Variants in KDM4C observed in about 807,000 individuals in gnomAD.
KDM4C encodes the protein lysine-specific demethylase 4C.
KDM4C carries 81 observed loss-of-function variants against 129.3 expected under a neutral mutation model. The ratio of observed to expected loss-of-function variants is 0.63; its 90% CI spans 0.52 to 0.75. KDM4C has a LOEUF of 0.75. KDM4C is among the 30% of genes least tolerant of loss of function. KDM4C has a pLI of 0.00. For synonymous variants in KDM4C, 573 were observed against 456.1 expected (o/e 1.26, Z -3.26); for missense variants, 1,457 against 1,304.0 (o/e 1.12, Z -1.81).
At chr9:7,145,382 G>A (rs1037907752) in intron 19 of KDM4C, among the ~76,000 whole-genome samples, 2 of 152,182 alleles carry the variant, frequency 1.3e-5, no homozygotes, top group Admixed American at 6.5e-5. Flanking sequence ...TGGAAGTTCT[G>A]AGTCGCTGTG....
chr9:6,749,096 T>A, intron 1 of KDM4C: 1 of 447,092 alleles, frequency 2.2e-6, no homozygotes, highest in Non-Finnish European at 4.3e-6. Context: ...CTCGCCTTCC[T>A]GCAACCTCTG....
At chr9:7,027,657 G>A (rs1461243587) in intron 15 of KDM4C, among the ~76,000 whole-genome samples, 1 of 152,190 alleles carries the variant, frequency 6.6e-6, no homozygotes, top group Non-Finnish European at 1.5e-5. Flanking sequence ...AGCTAGCTAG[G>A]CTTGTGTCCT....
intron 19 of KDM4C, among the ~76,000 whole-genome samples, chr9:7,143,234 TG>T (rs1339742702): frequency 6.6e-6 from 1 of 152,212 alleles, no homozygotes; most frequent in Non-Finnish European, 1.5e-5. Flanking sequence ...TATCAGTGGG[TG>T]TCTGTTTCAA....
chr9:7,101,179 T>C (rs1326343911), intron 17 of KDM4C, among the ~76,000 whole-genome samples: 2 of 152,216 alleles, frequency 1.3e-5, no homozygotes, highest in Non-Finnish European at 2.9e-5. Flanking sequence ...TGCCTATTCA[T>C]GTTATTCTAG....
At chr9:6,853,706 A>G (rs1839265439) in intron 5 of KDM4C, among the ~76,000 whole-genome samples, 2 of 152,208 alleles carry the variant, frequency 1.3e-5, no homozygotes, top group Admixed American at 1.3e-4. Flanking sequence ...TTTAGGGGGA[A>G]AAGTATCCTT....
chr9:6,779,065 G>T (rs1263574553), intron 1 of KDM4C, among the ~76,000 whole-genome samples: 5 of 131,188 alleles, frequency 3.8e-5, no homozygotes, highest in Non-Finnish European at 7.9e-5. Context: ...GTCTCGCTCT[G>T]TCGCCCAGGC....
At chr9:7,051,806 A>G (rs568365033) in intron 17 of KDM4C, among the ~76,000 whole-genome samples, 1 of 152,172 alleles carries the variant, frequency 6.6e-6, no homozygotes, top group Non-Finnish European at 1.5e-5. Context: ...TCACCAAACA[A>G]TTATCACTTG....
At chr9:7,044,895 G>C (rs142562531) in intron 15 of KDM4C, among the ~76,000 whole-genome samples, 2 of 152,098 alleles carry the variant, frequency 1.3e-5, no homozygotes, top group African/African-American at 4.8e-5. Context: ...AGCTAGAGGT[G>C]CAGGAGGACA....
At chr9:7,160,538 T>G (rs1320283859) in intron 19 of KDM4C, among the ~76,000 whole-genome samples, 1 of 152,224 alleles carries the variant, frequency 6.6e-6, no homozygotes, top group Non-Finnish European at 1.5e-5. Flanking sequence ...TTTGTCGATG[T>G]TGATGCTATT....
chr9:6,783,928 G>T (rs1176094173), intron 1 of KDM4C, among the ~76,000 whole-genome samples: 1 of 152,190 alleles, frequency 6.6e-6, no homozygotes, highest in Non-Finnish European at 1.5e-5. Context: ...AGAGGCTGGG[G>T]AGAGAAGGCT....
chr9:6,855,493 A>C (rs1172214720), intron 5 of KDM4C, among the ~76,000 whole-genome samples: 1 of 147,754 alleles, frequency 6.8e-6, no homozygotes. Flanking sequence ...AAAGGAACCC[A>C]ATTTAAGTAT....
intron 1 of KDM4C, among the ~76,000 whole-genome samples, chr9:6,777,697 T>C (rs1463588696): frequency 1.3e-5 from 2 of 152,080 alleles, no homozygotes; most frequent in Non-Finnish European, 2.9e-5. Context: ...AGTGGCGCGA[T>C]CTTGGTTCAC....
intron 15 of KDM4C, among the ~76,000 whole-genome samples, chr9:7,041,062 ATT>A (rs1473015848): frequency 2.7e-5 from 4 of 149,362 alleles, no homozygotes; most frequent in Non-Finnish European, 4.5e-5. Context: ...GGTTTTTAAA[ATT>A]CTCTTTTTGT....
At chr9:6,828,368 C>T (rs1261691080) in intron 4 of KDM4C, among the ~76,000 whole-genome samples, 3 of 151,976 alleles carry the variant, frequency 2.0e-5, no homozygotes, top group Non-Finnish European at 4.4e-5. Flanking sequence ...AGGCTGGTCT[C>T]AATCTCCTGA....
intron 5 of KDM4C, among the ~76,000 whole-genome samples, chr9:6,873,012 C>T (rs1328517987): frequency 4.6e-5 from 7 of 152,064 alleles, no homozygotes; most frequent in South Asian, 2.1e-4. Context: ...TTGCAACCTC[C>T]GCCTCCTGGG....
intron 7 of KDM4C, among the ~76,000 whole-genome samples, chr9:6,891,457 C>T (rs567773035): frequency 6.6e-6 from 1 of 152,072 alleles, no homozygotes; most frequent in Non-Finnish European, 1.5e-5. Flanking sequence ...TCCATTATAA[C>T]AAATCTGTAG....
chr9:6,869,505 A>T (rs1288891885), intron 5 of KDM4C, among the ~76,000 whole-genome samples: 1 of 152,210 alleles, frequency 6.6e-6, no homozygotes, highest in African/African-American at 2.4e-5. Context: ...GCTTTCTTGT[A>T]TAGTGCTCCA....
chr9:7,131,504 G>A (rs768519270), intron 19 of KDM4C, among the ~76,000 whole-genome samples: 24 of 152,296 alleles, frequency 1.6e-4, no homozygotes, highest in Non-Finnish European at 3.2e-4. Flanking sequence ...TTTTTGTAGA[G>A]ATGGGGTCTC....
At chr9:6,747,273 C>G (rs1312385066) in intron 1 of KDM4C, among the ~76,000 whole-genome samples, 4 of 151,874 alleles carry the variant, frequency 2.6e-5, no homozygotes, top group Non-Finnish European at 4.4e-5. Context: ...GATGGCCGGG[C>G]ACTGTGGCTC....
Sources: allele counts gnomAD v4.1 joint callset (sites outside exome capture counted in the v4.1 genomes callset), GRCh38; gene constraint gnomAD v4.1.1; transcripts MANE v1.5; gene names NCBI Gene and HGNC (gene_info 2026-07-23, HGNC 2026-07-21).